Variants in WARS2 observed in about 807,000 individuals in gnomAD.
WARS2 encodes the protein tryptophan--tRNA ligase, mitochondrial.
Under a neutral mutation model 36.5 loss-of-function variants are expected in WARS2, and 28 were observed. That is an observed-to-expected ratio of 0.77 (90% CI 0.57 to 1.05). WARS2 has a LOEUF of 1.05. Ranked by LOEUF, WARS2 falls within the 50% of genes least tolerant of loss-of-function variation. The probability of loss-of-function intolerance (pLI) is 0.00; values close to 1 mark genes in which losing one functional copy is unlikely to be tolerated. For missense variants in WARS2, 435 were observed against 456.8 expected, an observed-to-expected ratio of 0.95 and a Z score of 0.44; for synonymous variants, 174 against 178.4, an observed-to-expected ratio of 0.98 and a Z score of 0.20.
intron 1 of WARS2, among the ~76,000 whole-genome samples, chr1:119,099,999 C>T (rs1208213262): frequency 6.6e-6 from 1 of 152,138 alleles, no homozygotes; most frequent in Non-Finnish European, 1.5e-5. Context: ...AAATAATCAA[C>T]AGAGTGAATA....
rs573093056 is a variant in WARS2 at position 119,031,219 on chromosome 1, G to C, written c.*1692C>G. On this transcript the variant is annotated 3_prime_UTR_variant, in exon 6 of 6. Transcript: ENST00000235521. ...ACACAAACAGATAAACAGACAATTG[G>C]CTTGATAGATCTACCTTTAGTTTTG... 5 of 152,272 alleles carry C rather than the reference G, an allele frequency of 3.3e-5. No individual in the cohort carries two copies. The highest frequency in any genetic ancestry group is 9.6e-5 in the African/African-American group (4 of 41,546). The allele number at this position is 152,272 out of a possible 1,614,324, so 9.4% of individuals were successfully genotyped here. A position where few individuals can be genotyped will look rare whatever the true frequency, so the allele number is the denominator to read the frequency against.
intron 1 of WARS2, among the ~76,000 whole-genome samples, chr1:119,131,450 AGTTTTTT>A (rs1361287244): frequency 6.9e-6 from 1 of 144,604 alleles, no homozygotes; most frequent in African/African-American, 2.7e-5. Flanking sequence ...GACTGTGCAA[AGTTTTTT>A]GTTTTTTGTT....
At chr1:119,044,711 C>T (rs529173937) in intron 3 of WARS2, among the ~76,000 whole-genome samples, 6 of 152,214 alleles carry the variant, frequency 3.9e-5, no homozygotes, top group East Asian at 1.9e-4. Flanking sequence ...CAGGAGCAAG[C>T]GGTGTCTCTA....
intron 1 of WARS2, chr1:119,082,394 T>A: frequency 1.0e-6 from 1 of 985,458 alleles, no homozygotes. Context: ...CTTCTTGTGA[T>A]GAAATTTAGC....
In WARS2 at chr1:119,076,457, C is replaced by T; in HGVS notation, c.241G>A (p.Val81Ile). Residue 81 changes from valine to isoleucine, a missense_variant, in exon 2 of 6, where the codon GTC becomes ATC. By Grantham distance (29) the Val-to-Ile change is conservative. Transcript: ENST00000235521. Reference sequence around the variant, plus strand: ...CGAAGGACAGCTGGGTCTTGGGGGACAGTAATGGAGTGGAGGTCAACAATG... The same window carrying T: ...CGAAGGACAGCTGGGTCTTGGGGGATAGTAATGGAGTGGAGGTCAACAATG... The part of the protein sequence containing the change: ...YSIVDLHSIT[V>I]PQDPAVLRQS... The T allele has an allele frequency of 6.2e-7, 1 of 1,614,054 alleles. No individual in the cohort carries two copies. Among genetic ancestry groups the T allele is most frequent in the Middle Eastern group, 1.7e-4 (1 of 6,060 alleles).
At chr1:119,077,128 A>AC (rs1369989657) in intron 1 of WARS2, among the ~76,000 whole-genome samples, 1 of 150,686 alleles carries the variant, frequency 6.6e-6, no homozygotes, top group African/African-American at 2.4e-5. Flanking sequence ...ACAGAGCGAG[A>AC]CCCCGTCTCA....
chr1:119,113,330 C>T (rs1420240966), intron 1 of WARS2, among the ~76,000 whole-genome samples: 1 of 152,072 alleles, frequency 6.6e-6, no homozygotes, highest in African/African-American at 2.4e-5. Context: ...GAGTCATATG[C>T]CCAAGCAGGT....
At chr1:119,125,279 A>T (rs922674990) in intron 1 of WARS2, among the ~76,000 whole-genome samples, 4 of 152,152 alleles carry the variant, frequency 2.6e-5, no homozygotes, top group Non-Finnish European at 5.9e-5. Context: ...TTCCATTAAA[A>T]GTCACCTTCT....
intron 2 of WARS2, among the ~76,000 whole-genome samples, chr1:119,061,298 TAAAG>T (rs1475882237): frequency 7.9e-5 from 12 of 152,100 alleles, no homozygotes; most frequent in Admixed American, 7.2e-4. Flanking sequence ...CAACTATGCT[TAAAG>T]ATACAAAAGA....
intron 1 of WARS2, chr1:119,085,473 C>CT (rs113262693): frequency 0.38 from 588,791 of 1,557,836 alleles, 114,308 homozygotes; most frequent in African/African-American, 0.51. Flanking sequence ...TCCTTTTTGT[C>CT]TTTTTTTGCG....
intron 1 of WARS2, among the ~76,000 whole-genome samples, chr1:119,107,671 AAGAGAGAGAG>A (rs61528583): frequency 4.7e-5 from 7 of 149,674 alleles, no homozygotes; most frequent in African/African-American, 7.5e-5. Flanking sequence ...TAGAAAAAGA[AAGAGAGAGAG>A]AGAGAGAGAG....
intron 1 of WARS2, among the ~76,000 whole-genome samples, chr1:119,104,796 G>A (rs1330547306): frequency 1.3e-5 from 2 of 149,672 alleles, no homozygotes; most frequent in African/African-American, 2.4e-5. Flanking sequence ...AGAACAAAAA[G>A]GGAAATCAGT....
intron 1 of WARS2, among the ~76,000 whole-genome samples, chr1:119,131,893 G>C (rs1205311460): frequency 6.6e-6 from 1 of 152,032 alleles, no homozygotes; most frequent in African/African-American, 2.4e-5. Flanking sequence ...CTGATTCTAG[G>C]GGGTGTGGTG....
intron 2 of WARS2, among the ~76,000 whole-genome samples, chr1:119,070,233 T>C (rs1046768692): frequency 6.6e-6 from 1 of 152,150 alleles, no homozygotes; most frequent in African/African-American, 2.4e-5. Flanking sequence ...AGAAGTCATA[T>C]ACATGAAATA....
chr1:119,104,155 A>C (rs1300765327), intron 1 of WARS2, among the ~76,000 whole-genome samples: 1 of 151,064 alleles, frequency 6.6e-6, no homozygotes, highest in Non-Finnish European at 1.5e-5. Context: ...ATATTTCCAT[A>C]TATTACTCTG....
chr1:119,033,124 C>T lies in WARS2; in HGVS notation c.870G>A (p.Val290=), dbSNP rs776718135. Residue 290 remains valine (V), a synonymous_variant, in exon 6 of 6, where the codon GTG becomes GTA. Coordinates refer to ENST00000235521, the MANE Select transcript of WARS2 (RefSeq NM_015836.4). The stretch of plus-strand genomic sequence containing the variant: ...TGTTCATGCCCGCGCTGCGGCGCAC[C>T]ACTTCCTCCACGGAGAGCCCCGTCA... ...AAVTGLSVEE[V]VRRSAGMNTA... 6 of 1,614,178 alleles carry T rather than the reference C, an allele frequency of 3.7e-6. No individual in the cohort carries two copies. In the East Asian group the frequency reaches 1.1e-4, roughly 30 times the overall value.
chr1:119,125,108 C>G lies in WARS2; in HGVS notation c.90+15447G>C, dbSNP rs587620814. Among the ~76,000 whole-genome samples, 106 of 152,304 alleles carry G rather than the reference C, an allele frequency of 7.0e-4. 1 individual carries two copies. Among genetic ancestry groups the G allele is most frequent in the African/African-American group, 2.5e-3 (104 of 41,570 alleles). ...AGTAAGTGCTATATAGTATTTGTTA[C>G]AGAAAATGCTCACTCTCCTGCAGCC... On this transcript the variant is annotated intron_variant, in intron 1 of 5. Transcript: ENST00000235521.
intron 4 of WARS2, among the ~76,000 whole-genome samples, chr1:119,035,617 A>G (rs1647814940): frequency 6.6e-6 from 1 of 152,190 alleles, no homozygotes; most frequent in African/African-American, 2.4e-5. Flanking sequence ...GGGTACACTG[A>G]CTTTTTTCAC....
intron 1 of WARS2, 149 bp downstream of exon 1, chr1:119,140,406 G>A (rs1306052570): frequency 1.4e-5 from 9 of 626,332 alleles, no homozygotes; most frequent in Non-Finnish European, 5.3e-6. Context: ...GCTCTGAGCA[G>A]GCCGACAGTC....
Sources: allele counts gnomAD v4.1 joint callset (sites outside exome capture counted in the v4.1 genomes callset), GRCh38; gene constraint gnomAD v4.1.1; transcripts MANE v1.5; gene names NCBI Gene and HGNC (gene_info 2026-07-23, HGNC 2026-07-21).